ANKRD55: variants seen among roughly 807,000 people sequenced by gnomAD.
ANKRD55 encodes the protein ankyrin repeat domain-containing protein 55.
ANKRD55 carries 41 observed loss-of-function variants against 60.6 expected under a neutral mutation model. The ratio of observed to expected loss-of-function variants is 0.68; its 90% confidence interval spans 0.53 to 0.88. The LOEUF (loss-of-function observed/expected upper bound fraction) is 0.88, where lower values mean the gene tolerates loss of function less well. Among genes scored for constraint, ANKRD55 ranks in the 40% least tolerant of loss-of-function variants. The pLI, the probability that ANKRD55 is intolerant of heterozygous loss-of-function variation, is 0.00. For missense variants in ANKRD55, 732 were observed against 767.6 expected (o/e 0.95, Z 0.55); for synonymous variants, 264 against 290.3 (o/e 0.91, Z 0.92).
intron 10 of ANKRD55, among the ~76,000 whole-genome samples, chr5:56,106,001 C>T (rs1213470207): frequency 6.6e-6 from 1 of 152,206 alleles, no homozygotes; most frequent in Admixed American, 6.5e-5. Flanking sequence ...GCTCCAAATT[C>T]CAAGTCTCTA....
chr5:56,229,639 C>A (rs1760201356), intron 2 of ANKRD55, among the ~76,000 whole-genome samples: 1 of 152,150 alleles, frequency 6.6e-6, no homozygotes, highest in African/African-American at 2.4e-5. Flanking sequence ...TGCCTCGTTG[C>A]CTCTAGCTAA....
chr5:56,132,777 C>T (rs1425451339), intron 7 of ANKRD55, among the ~76,000 whole-genome samples: 5 of 152,094 alleles, frequency 3.3e-5, no homozygotes, highest in Admixed American at 3.3e-4. Context: ...AAGAAACCCA[C>T]TTTAAATATA....
chr5:56,177,241 C>T (rs1478578850), intron 3 of ANKRD55, among the ~76,000 whole-genome samples: 2 of 152,104 alleles, frequency 1.3e-5, no homozygotes, highest in East Asian at 3.9e-4. Context: ...CAGTCGGCAA[C>T]TCAATTTCTC....
At position 56,135,248 on chromosome 5, in the gene ANKRD55, T is replaced by C. The variant is rs202127010; in HGVS notation, c.613-8142A>G. ...CTTCCTTCCTTCCTTCCTTCCTTCC[T>C]TCCTTCCTTCCTTCTTTCCCTCCCT... On this transcript the variant is annotated intron_variant, in intron 7 of 11. Transcript: ENST00000341048. Among the ~76,000 whole-genome samples the C allele has an allele frequency of 2.1e-3, 171 of 79,712 alleles. 4 individuals carry two copies. The highest frequency in any genetic ancestry group is 6.3e-3 in the African/African-American group (150 of 23,686). 52.3% of individuals were successfully genotyped at this position (79,712 alleles called of 152,430 possible).
At chr5:56,151,897 GTATATGTGTGTATATACACA>G (rs1366765228) in intron 6 of ANKRD55, among the ~76,000 whole-genome samples, 1,508 of 146,656 alleles carry the variant, frequency 0.01, 27 homozygotes, top group African/African-American at 0.036. Flanking sequence ...ACATACACAC[GTATATGTGTGTATATACACA>G]TATATGTATA....
At chr5:56,200,270 A>G (rs1759333972) in intron 2 of ANKRD55, among the ~76,000 whole-genome samples, 1 of 152,162 alleles carries the variant, frequency 6.6e-6, no homozygotes, top group East Asian at 1.9e-4. Context: ...AGAAAAAAGT[A>G]TGTATTTTGC....
Position 56,143,895 on chromosome 5 carries a change from T to C in ANKRD55, c.518A>G (p.Asn173Ser), listed in dbSNP as rs762608186. Residue 173 changes from asparagine (N) to serine (S), a missense_variant, in exon 7 of 12, where the codon AAC (asparagine) becomes AGC (serine). Physicochemically the swap from Asn to Ser is conservative, Grantham distance 46 (BLOSUM62 1). Coordinates refer to ENST00000341048, the MANE Select transcript of ANKRD55 (RefSeq NM_024669.3). Reference sequence around the variant, plus strand: ...CAGCATTTGTGTGTGTTGAGGCTGGTTGTGGAAAGCCGCCCAGTGGAGTGG... The same window carrying C: ...CAGCATTTGTGTGTGTTGAGGCTGGCTGTGGAAAGCCGCCCAGTGGAGTGG... ...MTPLHWAAFH[N>S]QPQHTQMLLK... The C allele has an allele frequency of 6.2e-7, 1 of 1,614,114 alleles. No individual in the cohort carries two copies. Among genetic ancestry groups the C allele is most frequent in the Non-Finnish European group, 8.5e-7 (1 of 1,180,032 alleles).
At chr5:56,136,931 A>T in intron 7 of ANKRD55, 2 of 437,026 alleles carry the variant, frequency 4.6e-6, no homozygotes, top group Non-Finnish European at 8.6e-6. Flanking sequence ...TTATATAAGA[A>T]TTCCAGGAGA....
rs548928416 is a variant in ANKRD55 at position 56,134,440 on chromosome 5, G to A, written c.613-7334C>T. On this transcript the variant is annotated intron_variant, in intron 7 of 11. Transcript: ENST00000341048. ...TGAAAATACAAAAAATTAGCCTGGCGTGGTGGCAGGCGCCTGTAATCCCAG... is the reference window on the plus strand; with the variant it reads ...TGAAAATACAAAAAATTAGCCTGGCATGGTGGCAGGCGCCTGTAATCCCAG... Among the ~76,000 whole-genome samples, 45 of 111,840 alleles carry A rather than the reference G, an allele frequency of 4.0e-4. 11 individuals carry two copies. The highest frequency in any genetic ancestry group is 1.1e-3 in the African/African-American group (38 of 34,434). The allele number at this position is 111,840 out of a possible 152,430, so 73.4% of individuals were successfully genotyped here.
intron 2 of ANKRD55, among the ~76,000 whole-genome samples, chr5:56,230,527 C>A (rs530348018): frequency 2.0e-5 from 3 of 152,258 alleles, no homozygotes; most frequent in Admixed American, 6.5e-5. Context: ...CAGACAGTAA[C>A]GATTCATGAA....
chr5:56,109,785 G>T (rs1392039755), intron 10 of ANKRD55, among the ~76,000 whole-genome samples: 1 of 152,186 alleles, frequency 6.6e-6, no homozygotes, highest in Non-Finnish European at 1.5e-5. Flanking sequence ...ACTATGGGAG[G>T]CTGGGACGGG....
At chr5:56,190,341 T>C (rs1333111709) in intron 2 of ANKRD55, among the ~76,000 whole-genome samples, 1 of 152,218 alleles carries the variant, frequency 6.6e-6, no homozygotes, top group African/African-American at 2.4e-5. Context: ...TAGTCTAATT[T>C]GTTGATTTTT....
intron 2 of ANKRD55, among the ~76,000 whole-genome samples, chr5:56,209,326 T>C (rs1759598511): frequency 6.6e-6 from 1 of 152,218 alleles, no homozygotes; most frequent in South Asian, 2.1e-4. Flanking sequence ...CTGTAAAATG[T>C]GACATAAAAT....
Position 56,191,878 on chromosome 5 carries a change from A to C in ANKRD55, c.59-8244T>G, listed in dbSNP as rs569194773. ...GAAAGAGCCAATCTAAGTTGCGGTCAATGCAAATAATTGGGCACAAACTTA... is the reference window on the plus strand; with the variant it reads ...GAAAGAGCCAATCTAAGTTGCGGTCCATGCAAATAATTGGGCACAAACTTA... On this transcript the variant is annotated intron_variant, in intron 2 of 11. Transcript: ENST00000341048. 2.9e-3 allele frequency among the ~76,000 whole-genome samples: 445 copies of C among 152,360 alleles called. 3 individuals are homozygous for C. Among genetic ancestry groups the C allele is most frequent in the Non-Finnish European group, 5.5e-3 (376 of 68,036 alleles).
intron 5 of ANKRD55, among the ~76,000 whole-genome samples, chr5:56,164,556 A>G (rs775447435): frequency 2.0e-5 from 3 of 152,232 alleles, no homozygotes; most frequent in Admixed American, 6.5e-5. Context: ...GTAGCCATGG[A>G]GACCATGAAA....
intron 2 of ANKRD55, among the ~76,000 whole-genome samples, chr5:56,223,526 G>A (rs1288040001): frequency 6.6e-6 from 1 of 152,140 alleles, no homozygotes; most frequent in African/African-American, 2.4e-5. Context: ...ATGTAAATGG[G>A]CTAAATGCTC....
At position 56,220,552 on chromosome 5, in the gene ANKRD55, C is replaced by T. The variant is rs184168127; in HGVS notation, c.58+12304G>A. 1.2e-4 allele frequency among the ~76,000 whole-genome samples: 19 copies of T among 152,310 alleles called. No homozygotes were observed. The South Asian group carries it at 1.9e-3, about 15-fold the overall frequency. ...GAAAGAGGCGGGGCACAGTGGCTCACGCCTGTACTTCCAGCACTTTGGGAG... is the reference window on the plus strand; with the variant it reads ...GAAAGAGGCGGGGCACAGTGGCTCATGCCTGTACTTCCAGCACTTTGGGAG... On this transcript the variant is annotated intron_variant, in intron 2 of 11. Transcript: ENST00000341048.
chr5:56,206,142 A>G (rs1051757484), intron 2 of ANKRD55, among the ~76,000 whole-genome samples: 13 of 151,150 alleles, frequency 8.6e-5, no homozygotes, highest in Non-Finnish European at 1.8e-4. Context: ...CGACTGGTTA[A>G]TTTTTTGTAT....
At chr5:56,189,382 G>C (rs964306723) in intron 2 of ANKRD55, among the ~76,000 whole-genome samples, 5 of 151,154 alleles carry the variant, frequency 3.3e-5, no homozygotes, top group Non-Finnish European at 5.9e-5. Flanking sequence ...TGTACTTACA[G>C]TTCAATTGCA....
Sources: allele counts gnomAD v4.1 joint callset (sites outside exome capture counted in the v4.1 genomes callset), GRCh38; gene constraint gnomAD v4.1.1; transcripts MANE v1.5; gene names NCBI Gene and HGNC (gene_info 2026-07-23, HGNC 2026-07-21).